Variants in TMEM120B observed in about 807,000 individuals in gnomAD.
The protein encoded by TMEM120B is transmembrane protein 120B.
A neutral mutation model predicts 55.5 loss-of-function variants in TMEM120B; 31 were observed. The observed-to-expected ratio is 0.56, with a 90% CI of 0.42 to 0.75. The LOEUF is 0.75. Ranked by LOEUF, TMEM120B falls within the 30% of genes least tolerant of loss-of-function variation. The probability of loss-of-function intolerance (pLI) is 0.00; values close to 1 mark genes in which losing one functional copy is unlikely to be tolerated. For missense variants in TMEM120B, 399 were observed against 425.5 expected, an observed-to-expected ratio of 0.94 and a Z score of 0.55; for synonymous variants, 203 against 176.3, an observed-to-expected ratio of 1.15 and a Z score of -1.20.
intron 4 of TMEM120B, among the ~76,000 whole-genome samples, chr12:121,750,936 C>T (rs1455150844): frequency 1.0e-5 from 1 of 97,650 alleles, no homozygotes. Flanking sequence ...CCTCACCCCA[C>T]ACCCCACACT....
chr12:121,773,568 C>A, intron 9 of TMEM120B, 55 bp downstream of exon 9: 1 of 1,394,678 alleles, frequency 7.2e-7, no homozygotes, highest in Non-Finnish European at 9.7e-7. Flanking sequence ...TGCCAGCTCC[C>A]CACACCGGGA....
chr12:121,729,035 C>T (rs1014164696), intron 1 of TMEM120B, among the ~76,000 whole-genome samples: 6 of 152,230 alleles, frequency 3.9e-5, no homozygotes, highest in African/African-American at 1.4e-4. Context: ...GCCATGTGCT[C>T]TCTCCTGGAG....
At position 121,754,235 on chromosome 12, in the gene TMEM120B, ACTC is replaced by A. The variant is rs550830739; in HGVS notation, c.461+2016_461+2018del. On this transcript the variant is annotated intron_variant, in intron 5 of 11. Coordinates refer to ENST00000449592, the MANE Select transcript of TMEM120B (RefSeq NM_001080825.2). ...GGCAAAGGCTGCACACATCTGTACT[ACTC>A]CTCATGTGCCTCCCTCAAAGAGGGT... Among the ~76,000 whole-genome samples, 403 of 151,904 alleles carry A rather than the reference ACTC, an allele frequency of 2.7e-3. 6 individuals are homozygous for A. Among genetic ancestry groups the A allele is most frequent in the Admixed American group, 0.023 (354 of 15,260 alleles).
intron 6 of TMEM120B, among the ~76,000 whole-genome samples, chr12:121,764,398 TA>T (rs1460153206): frequency 7.2e-5 from 11 of 152,142 alleles, no homozygotes; most frequent in African/African-American, 2.4e-4. Context: ...TGCATGCCTG[TA>T]ATCCCAGCTA....
chr12:121,753,208 C>T (rs932905370), intron 5 of TMEM120B, among the ~76,000 whole-genome samples: 1 of 152,092 alleles, frequency 6.6e-6, no homozygotes, highest in Admixed American at 6.6e-5. Context: ...GAACCAGTCA[C>T]AAAAAGATAC....
In TMEM120B at chr12:121,712,807, G is replaced by C. The variant is rs1894623800; in HGVS notation, c.-89G>C. On this transcript the variant is annotated 5_prime_UTR_variant, in exon 1 of 12. Transcript: ENST00000449592. Reference sequence around the variant, plus strand: ...ACAGCTGGTGCCTCCGAGGGCGGTCGGCGAGCGCGCGGGCGTGGGGCGCTG... The same window carrying C: ...ACAGCTGGTGCCTCCGAGGGCGGTCCGCGAGCGCGCGGGCGTGGGGCGCTG... The C allele has an allele frequency of 8.8e-6, 9 of 1,021,868 alleles. No individual in the cohort carries two copies. In the South Asian group the frequency reaches 3.2e-4, roughly 36 times the overall value. 63.3% of individuals were successfully genotyped at this position (1,021,868 alleles called of 1,614,324 possible).
intron 3 of TMEM120B, among the ~76,000 whole-genome samples, chr12:121,749,258 A>G (rs1209782898): frequency 6.6e-6 from 1 of 152,228 alleles, no homozygotes; most frequent in East Asian, 1.9e-4. Context: ...CATTTTCTGC[A>G]GAATGAGCAG....
chr12:121,773,951 C>CT (rs560321014), intron 9 of TMEM120B, among the ~76,000 whole-genome samples: 2,751 of 96,588 alleles, frequency 0.028, 57 homozygotes, highest in Non-Finnish European at 0.033. Flanking sequence ...ACTCTGCTAT[C>CT]TTTTTTTTTT....
intron 1 of TMEM120B, among the ~76,000 whole-genome samples, chr12:121,730,151 CAA>C (rs1894972611): frequency 6.7e-6 from 1 of 150,040 alleles, no homozygotes; most frequent in South Asian, 2.1e-4. Flanking sequence ...CCCAGCTACT[CAA>C]GAGGCTGAGG....
chr12:121,719,649 G>A (rs1432399147), intron 1 of TMEM120B, among the ~76,000 whole-genome samples: 5 of 152,204 alleles, frequency 3.3e-5, no homozygotes, highest in Admixed American at 1.3e-4. Context: ...AATTGCTAAC[G>A]GGGGTAGTTT....
At chr12:121,746,843 A>G (rs1185656235) in intron 2 of TMEM120B, among the ~76,000 whole-genome samples, 6 of 152,010 alleles carry the variant, frequency 3.9e-5, no homozygotes, top group Non-Finnish European at 8.8e-5. Context: ...CTGTAATCCC[A>G]GCTACTTGGG....
In TMEM120B at chr12:121,777,673, G is replaced by A. The variant is rs1253404412; in HGVS notation, c.*1951G>A. ...AAGGGCCAGATGGCAACTATTTTGA[G>A]CTTTATGGGCCAGGTGGTTTGTGGC... On this transcript the variant is annotated 3_prime_UTR_variant, in exon 12 of 12. Coordinates refer to ENST00000449592, the MANE Select transcript of TMEM120B (RefSeq NM_001080825.2). The A allele has an allele frequency of 6.6e-6, 1 of 152,218 alleles. No individual in the cohort carries two copies. Among genetic ancestry groups the A allele is most frequent in the South Asian group, 2.1e-4 (1 of 4,838 alleles). 9.4% of individuals were successfully genotyped at this position (152,218 alleles called of 1,614,324 possible). A position where few individuals can be genotyped will look rare whatever the true frequency, so the allele number is the denominator to read the frequency against.
chr12:121,757,492 C>T (rs1873515292), intron 5 of TMEM120B, among the ~76,000 whole-genome samples: 1 of 151,306 alleles, frequency 6.6e-6, no homozygotes, highest in Non-Finnish European at 1.5e-5. Context: ...CAGGTGCTTA[C>T]CACTGCGCCC....
intron 6 of TMEM120B, among the ~76,000 whole-genome samples, chr12:121,769,565 G>A (rs1045613823): frequency 6.6e-6 from 1 of 152,254 alleles, no homozygotes; most frequent in East Asian, 1.9e-4. Context: ...TTAGCTGGGC[G>A]TGGTGGCGCA....
chr12:121,727,611 C>T (rs1419131552), intron 1 of TMEM120B, among the ~76,000 whole-genome samples: 3 of 150,544 alleles, frequency 2.0e-5, no homozygotes, highest in Admixed American at 1.3e-4. Flanking sequence ...CGGTGGCTCA[C>T]GCTTGTAATC....
chr12:121,761,758 T>C lies in TMEM120B; in HGVS notation c.551+20T>C. On this transcript the variant is annotated intron_variant, in intron 6 of 11. Coordinates refer to ENST00000449592, the MANE Select transcript of TMEM120B (RefSeq NM_001080825.2). The stretch of plus-strand genomic sequence containing the variant: ...CTCAAGGTACCTGGGCACCTGGCTT[T>C]GTGGGGAGCACAAGAGGAGTTAAAG... 1 of 1,601,340 alleles carries C rather than the reference T, an allele frequency of 6.2e-7. No homozygotes were observed. Among genetic ancestry groups the C allele is most frequent in the Non-Finnish European group, 8.6e-7 (1 of 1,168,746 alleles).
intron 2 of TMEM120B, among the ~76,000 whole-genome samples, chr12:121,746,428 C>T (rs563222294): frequency 5.3e-5 from 8 of 152,160 alleles, no homozygotes; most frequent in African/African-American, 1.2e-4. Flanking sequence ...CTCAGGTGAT[C>T]GGCCCACCTC....
At position 121,776,156 on chromosome 12, in the gene TMEM120B, G is replaced by A; in HGVS notation, c.*434G>A. The A allele has an allele frequency of 8.0e-6, 3 of 376,516 alleles. No homozygotes were observed. The highest frequency in any genetic ancestry group is 1.4e-5 in the Non-Finnish European group (3 of 211,034). The allele number at this position is 376,516 out of a possible 1,614,324, so 23.3% of individuals were successfully genotyped here. A position where few individuals can be genotyped will look rare whatever the true frequency, so the allele number is the denominator to read the frequency against. ...GGGTGGTGTGAACCCTCAGTGTCCT[G>A]TGGCGCCCCCACCCCGGGGCCACTC... On this transcript the variant is annotated 3_prime_UTR_variant, in exon 12 of 12. Transcript: ENST00000449592.
At chr12:121,757,502 C>T (rs531316574) in intron 5 of TMEM120B, among the ~76,000 whole-genome samples, 25 of 148,888 alleles carry the variant, frequency 1.7e-4, no homozygotes, top group Non-Finnish European at 3.1e-4. Context: ...CCACTGCGCC[C>T]GGCTAATTAT....
Sources: allele counts gnomAD v4.1 joint callset (sites outside exome capture counted in the v4.1 genomes callset), GRCh38; gene constraint gnomAD v4.1.1; transcripts MANE v1.5; gene names NCBI Gene and HGNC (gene_info 2026-07-23, HGNC 2026-07-21).